GARIN5A: variants seen among roughly 807,000 people sequenced by gnomAD.
The protein encoded by GARIN5A is golgi associated RAB2 interactor 5A, also known as Golgi-associated RAB2 interactor protein 5A.
At chr19:50,476,524 C>A in the GARIN5A span, 3 of 1,569,206 alleles carry the variant, frequency 1.9e-6, no homozygotes, top group African/African-American at 2.7e-5. Context: ...GCCGTCCCTT[C>A]GCTGGTGGGA....
the GARIN5A span, among the ~76,000 whole-genome samples, chr19:50,470,587 C>T: frequency 2.7e-5 from 4 of 149,588 alleles, no homozygotes; most frequent in South Asian, 6.3e-4. Flanking sequence ...CAATACAAAA[C>T]GGATATGGGT....
At chr19:50,467,750 G>C in the GARIN5A span, 1 of 1,609,948 alleles carries the variant, frequency 6.2e-7, no homozygotes, top group Non-Finnish European at 8.5e-7. Flanking sequence ...TAGAAGGTGC[G>C]GCTGGTGTTC....
the GARIN5A span, among the ~76,000 whole-genome samples, chr19:50,470,934 G>C: frequency 6.6e-6 from 1 of 151,952 alleles, no homozygotes; most frequent in South Asian, 2.1e-4. Context: ...AATTACAGGT[G>C]TGACCACCGC....
At chr19:50,473,310 T>A in the GARIN5A span, among the ~76,000 whole-genome samples, 1 of 152,150 alleles carries the variant, frequency 6.6e-6, no homozygotes, top group Non-Finnish European at 1.5e-5. Flanking sequence ...TATTTCTCCC[T>A]CCTTACTTTC....
At chr19:50,475,733 C>A in the GARIN5A span, 1 of 879,926 alleles carries the variant, frequency 1.1e-6, no homozygotes, top group Non-Finnish European at 1.9e-6. Context: ...GTCGGGAATC[C>A]CACGAGATGG....
At chr19:50,467,458 G>A in the GARIN5A span, 2 of 787,560 alleles carry the variant, frequency 2.5e-6, no homozygotes, top group African/African-American at 3.5e-5. Context: ...AGACCCAGGA[G>A]TCCAGGACCC....
the GARIN5A span, chr19:50,475,619 G>A: frequency 2.7e-6 from 2 of 743,724 alleles, no homozygotes; most frequent in Admixed American, 5.6e-5. Context: ...AATCATATGG[G>A]TGTGAAGTCA....
the GARIN5A span, chr19:50,476,630 G>A: frequency 6.4e-7 from 1 of 1,551,562 alleles, no homozygotes. Context: ...CGGGGCAGCG[G>A]CTGCCGGGCC....
the GARIN5A span, chr19:50,476,241 G>A: frequency 1.2e-6 from 2 of 1,613,442 alleles, no homozygotes; most frequent in South Asian, 1.1e-5. Flanking sequence ...AGGAGCAGAG[G>A]GAGAAAGCGA....
At chr19:50,473,734 C>T in the GARIN5A span, among the ~76,000 whole-genome samples, 102 of 152,194 alleles carry the variant, frequency 6.7e-4, no homozygotes, top group Non-Finnish European at 1.2e-3. Context: ...TGCCTGTAAT[C>T]CCAGCACTTT....
the GARIN5A span, among the ~76,000 whole-genome samples, chr19:50,472,233 T>C: frequency 2.9e-4 from 23 of 80,696 alleles, no homozygotes; most frequent in Middle Eastern, 6.7e-3. Context: ...TATATACATG[T>C]ATGTGTGTAT....
At chr19:50,470,304 A>T in the GARIN5A span, among the ~76,000 whole-genome samples, 8 of 152,208 alleles carry the variant, frequency 5.3e-5, no homozygotes, top group African/African-American at 1.9e-4. Flanking sequence ...ACCTGAAGTC[A>T]GGAGTTTGAG....
the GARIN5A span, chr19:50,476,113 T>A: frequency 6.2e-7 from 1 of 1,612,588 alleles, no homozygotes; most frequent in Middle Eastern, 1.6e-4. Context: ...CCTCTAGGCC[T>A]GGCTCCCCTC....
At chr19:50,475,914 G>C in the GARIN5A span, 1 of 1,613,712 alleles carries the variant, frequency 6.2e-7, no homozygotes, top group South Asian at 1.1e-5. Flanking sequence ...GGAGCCGTCT[G>C]GGACGGCCCG....
chr19:50,476,354 G>A, the GARIN5A span: 1 of 1,574,944 alleles, frequency 6.3e-7, no homozygotes, highest in Admixed American at 1.8e-5. Flanking sequence ...TGGAGGGGGC[G>A]GCTCCTGGAG....
At chr19:50,470,704 G>A in the GARIN5A span, among the ~76,000 whole-genome samples, 1 of 149,346 alleles carries the variant, frequency 6.7e-6, no homozygotes, top group Admixed American at 6.7e-5. Context: ...TCCCGGGCTG[G>A]AGTGTAATGG....
the GARIN5A span, among the ~76,000 whole-genome samples, chr19:50,474,767 G>A: frequency 6.6e-6 from 1 of 152,192 alleles, no homozygotes; most frequent in African/African-American, 2.4e-5. Flanking sequence ...GATTACAGGT[G>A]TGGGCCACCG....
the GARIN5A span, among the ~76,000 whole-genome samples, chr19:50,467,194 G>A: frequency 6.6e-6 from 1 of 152,124 alleles, no homozygotes; most frequent in African/African-American, 2.4e-5. Flanking sequence ...GGCACAGGTT[G>A]TCCCTCTCTA....
At chr19:50,476,490 G>A in the GARIN5A span, 3 of 1,573,300 alleles carry the variant, frequency 1.9e-6, no homozygotes, top group Non-Finnish European at 2.6e-6. Context: ...TCCTCCCGGC[G>A]TGCTCCGCGG....
Sources: gnomAD v4.1 joint callset for allele counts (sites outside exome capture counted in the v4.1 genomes callset) on GRCh38, gnomAD v4.1.1 for gene constraint, MANE v1.5 for transcripts, NCBI Gene and HGNC (gene_info 2026-07-23, HGNC 2026-07-21) for gene names.